The following PHF21B variants were observed in gnomAD, a reference collection of about 807,000 sequenced individuals.
PHF21B encodes PHD finger protein 4.
In PHF21B, 22 loss-of-function variants were observed where a neutral mutation model predicts 62.2. The ratio of observed to expected loss-of-function variants is 0.35; its 90% CI spans 0.25 to 0.51. The LOEUF is 0.51. Among genes scored for constraint, PHF21B ranks in the 20% least tolerant of loss-of-function variants. The pLI, the probability that PHF21B is intolerant of heterozygous loss-of-function variation, is 0.97. For synonymous variants in PHF21B, 341 were observed against 314.7 expected, an observed-to-expected ratio of 1.08 and a Z score of -0.88; for missense variants, 701 against 707.9, an observed-to-expected ratio of 0.99 and a Z score of 0.11.
intron 2 of PHF21B, among the ~76,000 whole-genome samples, chr22:44,927,277 G>A (rs922600070): frequency 2.6e-5 from 4 of 151,850 alleles, no homozygotes; most frequent in African/African-American, 4.8e-5. Context: ...CTGGCCATGC[G>A]TGTCCCCCCA....
At position 45,009,534 on chromosome 22, in the gene PHF21B, G is replaced by A. The variant is rs2073387050; in HGVS notation, c.16C>T (p.Arg6Trp). Residue 6 changes from arginine (R) to tryptophan (W), a missense_variant, in exon 1 of 13, where the codon CGG (arginine) becomes TGG (tryptophan). By Grantham distance (101) the Arg-to-Trp change is moderately radical (BLOSUM62 -3). Coordinates refer to ENST00000313237, the MANE Select transcript of PHF21B (RefSeq NM_138415.5). The surrounding 1 kb of genome is among the most constrained non-coding windows in gnomAD (Gnocchi z 5.9). ...AGTTCCACGGCGAGCGCCTCGGGCCGGCTCTGCAGCTCCATCCCGGCAACT... is the reference window on the plus strand; with the variant it reads ...AGTTCCACGGCGAGCGCCTCGGGCCAGCTCTGCAGCTCCATCCCGGCAACT... MELQS[R>W]PEALAVELAR... 2 of 1,573,450 alleles carry A rather than the reference G, an allele frequency of 1.3e-6. No individual in the cohort carries two copies. The highest frequency in any genetic ancestry group is 1.7e-6 in the Non-Finnish European group (2 of 1,169,214).
chr22:44,885,719 C>A (rs893645516), intron 11 of PHF21B, 144 bp downstream of exon 11: 1 of 1,062,298 alleles, frequency 9.4e-7, no homozygotes, highest in Non-Finnish European at 1.4e-6. Context: ...GACACAGGAC[C>A]GGTCCCAGGA....
chr22:44,909,359 A>G (rs2071306506), intron 5 of PHF21B, among the ~76,000 whole-genome samples: 1 of 152,168 alleles, frequency 6.6e-6, no homozygotes, highest in African/African-American at 2.4e-5. Flanking sequence ...TCATCATGGG[A>G]GTCTTGGGCT....
chr22:44,921,556 G>C (rs368534585), intron 2 of PHF21B, among the ~76,000 whole-genome samples: 5 of 151,284 alleles, frequency 3.3e-5, no homozygotes, highest in African/African-American at 9.7e-5. Flanking sequence ...TAGTAGAGAC[G>C]GGGTTTCACC....
intron 2 of PHF21B, among the ~76,000 whole-genome samples, chr22:44,938,215 C>T (rs2071887148): frequency 6.6e-6 from 1 of 152,168 alleles, no homozygotes; most frequent in Non-Finnish European, 1.5e-5. Flanking sequence ...GCTGGGATTA[C>T]AGATGCCTGC....
At chr22:44,987,965 G>A (rs2072981771) in intron 2 of PHF21B, among the ~76,000 whole-genome samples, 1 of 152,160 alleles carries the variant, frequency 6.6e-6, no homozygotes, top group African/African-American at 2.4e-5. Context: ...GACCTGGAGT[G>A]GACTTGCTTT....
At chr22:45,000,646 C>CT (rs2147527686) in intron 2 of PHF21B, 1 of 152,272 alleles carries the variant, frequency 6.6e-6, no homozygotes, top group South Asian at 2.1e-4. Context: ...TTTTAAGACT[C>CT]TAAGGTATCA....
At chr22:44,988,295 C>A (rs891104240) in intron 2 of PHF21B, among the ~76,000 whole-genome samples, 1 of 152,066 alleles carries the variant, frequency 6.6e-6, no homozygotes, top group Non-Finnish European at 1.5e-5. Flanking sequence ...AGTGAGACCT[C>A]GTCTCTGCAA....
rs1309631660 is a variant in PHF21B at position 44,893,337 on chromosome 22, G to A, written c.960+120C>T. On this transcript the variant is annotated intron_variant, in intron 7 of 12. Transcript: ENST00000313237. Reference sequence around the variant, plus strand: ...GGTCACCCCCCAGCCCCACTCCCAGGAGGGACAGACGAGGGGGGTGCTTAG... The same window carrying A: ...GGTCACCCCCCAGCCCCACTCCCAGAAGGGACAGACGAGGGGGGTGCTTAG... 7.8e-6 allele frequency: 7 copies of A among 894,594 alleles called. No individual in the cohort carries two copies. In the African/African-American group the frequency reaches 1.2e-4, roughly 15 times the overall value. The allele number at this position is 894,594 out of a possible 1,614,324, so 55.4% of individuals were successfully genotyped here. A position where few individuals can be genotyped will look rare whatever the true frequency, so the allele number is the denominator to read the frequency against.
At chr22:44,999,990 C>T (rs558216813) in intron 2 of PHF21B, among the ~76,000 whole-genome samples, 2 of 152,206 alleles carry the variant, frequency 1.3e-5, no homozygotes, top group African/African-American at 4.8e-5. Context: ...GAGTGCTCAC[C>T]GAGCACCAGG....
rs1261000597 is a variant in PHF21B at position 44,935,615 on chromosome 22, A to AAAAC, written c.121-15129_121-15126dup. 5.6e-5 allele frequency among the ~76,000 whole-genome samples: 3 copies of AAAAC among 53,322 alleles called. No individual in the cohort carries two copies. In the East Asian group the frequency reaches 2.1e-3, roughly 38 times the overall value. The allele number at this position is 53,322 out of a possible 152,430, so 35.0% of individuals were successfully genotyped here. A position where few individuals can be genotyped will look rare whatever the true frequency, so the allele number is the denominator to read the frequency against. ...GGCGACAGAGCAAGACTCCGCCTCA[A>AAAAC]AAACAAACAAACAAACAAAAAAAAA... On this transcript the variant is annotated intron_variant, in intron 2 of 12. Transcript: ENST00000313237.
At chr22:44,885,373 C>A in intron 12 of PHF21B, 53 bp downstream of exon 12, 2 of 1,499,246 alleles carry the variant, frequency 1.3e-6, no homozygotes, top group Middle Eastern at 2.4e-4. Flanking sequence ...TCCCCTAGAC[C>A]CGGGGCACAC....
At chr22:44,919,022 C>T (rs2071488370) in intron 3 of PHF21B, among the ~76,000 whole-genome samples, 1 of 152,202 alleles carries the variant, frequency 6.6e-6, no homozygotes, top group Admixed American at 6.5e-5. Flanking sequence ...ACCACCTCTG[C>T]CTCCGTTTCT....
At chr22:44,949,846 G>A (rs1166600544) in intron 2 of PHF21B, among the ~76,000 whole-genome samples, 2 of 148,652 alleles carry the variant, frequency 1.3e-5, no homozygotes, top group African/African-American at 5.1e-5. Flanking sequence ...TTAAGTTCAG[G>A]TGATTTTTTC....
At chr22:44,923,100 T>C (rs1569230480) in intron 2 of PHF21B, among the ~76,000 whole-genome samples, 1 of 151,700 alleles carries the variant, frequency 6.6e-6, no homozygotes. Context: ...TATAAAGCTA[T>C]GGTAATCAAG....
intron 2 of PHF21B, among the ~76,000 whole-genome samples, chr22:44,948,811 A>T (rs2072131730): frequency 6.6e-6 from 1 of 152,148 alleles, no homozygotes; most frequent in African/African-American, 2.4e-5. Context: ...TTTGACTTTT[A>T]TCCAGAACAT....
At chr22:44,917,013 G>C (rs925581831) in intron 3 of PHF21B, among the ~76,000 whole-genome samples, 4 of 152,366 alleles carry the variant, frequency 2.6e-5, no homozygotes, top group African/African-American at 9.6e-5. Context: ...AGTCTGGAAA[G>C]CGCTGCCCCT....
intron 2 of PHF21B, among the ~76,000 whole-genome samples, chr22:44,990,844 C>G (rs2073031608): frequency 6.6e-6 from 1 of 152,190 alleles, no homozygotes; most frequent in Non-Finnish European, 1.5e-5. Flanking sequence ...GTCCATTTTG[C>G]TGCAATAAAA....
chr22:44,939,936 G>C (rs962234620), intron 2 of PHF21B, among the ~76,000 whole-genome samples: 1 of 152,130 alleles, frequency 6.6e-6, no homozygotes, highest in Non-Finnish European at 1.5e-5. Flanking sequence ...CTTTAAGCAG[G>C]AAGAGTGATG....
Sources: allele counts gnomAD v4.1 joint callset (sites outside exome capture counted in the v4.1 genomes callset), GRCh38; gene constraint gnomAD v4.1.1; non-coding constraint Gnocchi (gnomAD v3.1); transcripts MANE v1.5; gene names NCBI Gene and HGNC (gene_info 2026-07-23, HGNC 2026-07-21).